CCDC6: variants seen among roughly 807,000 people sequenced by gnomAD.
CCDC6 encodes coiled-coil domain-containing protein 6.
Under a neutral mutation model 56.6 loss-of-function variants are expected in CCDC6, and 20 were observed. That is an observed-to-expected ratio of 0.35 (90% CI 0.25 to 0.51). The LOEUF (loss-of-function observed/expected upper bound fraction) is 0.51. Among genes scored for constraint, CCDC6 ranks in the 20% least tolerant of loss-of-function variants. The probability of loss-of-function intolerance (pLI) is 0.95; values close to 1 mark genes in which losing one functional copy is unlikely to be tolerated. For synonymous variants in CCDC6, 241 were observed against 234.4 expected, an observed-to-expected ratio of 1.03 and a Z score of -0.26; for missense variants, 367 against 601.1, an observed-to-expected ratio of 0.61 and a Z score of 4.07.
rs190250895 is a variant in CCDC6 at position 59,880,536 on chromosome 10, T to C, written c.303+25586A>G. On this transcript the variant is annotated intron_variant, in intron 1 of 8. Coordinates refer to ENST00000263102, the MANE Select transcript of CCDC6 (RefSeq NM_005436.5). ...ATGGCCGGAAGGGGGCACAGTGGAG[T>C]CCAGGTATTAGTAATATTCTGTTTC... Among the ~76,000 whole-genome samples the C allele has an allele frequency of 1.6e-3, 239 of 152,212 alleles. 2 individuals carry two copies. The highest frequency in any genetic ancestry group is 5.3e-3 in the African/African-American group (220 of 41,528).
At chr10:59,866,727 A>T (rs1474774396) in intron 1 of CCDC6, among the ~76,000 whole-genome samples, 2 of 152,208 alleles carry the variant, frequency 1.3e-5, no homozygotes, top group African/African-American at 2.4e-5. Flanking sequence ...GAATGGCTCC[A>T]AGGCTCCTAG....
intron 1 of CCDC6, among the ~76,000 whole-genome samples, chr10:59,889,005 G>A (rs187818238): frequency 3.3e-5 from 5 of 151,942 alleles, no homozygotes; most frequent in Admixed American, 1.3e-4. Context: ...TCCTCCCAGG[G>A]TATCAACATC....
chr10:59,802,702 C>T (rs1276608619), intron 7 of CCDC6, among the ~76,000 whole-genome samples: 1 of 152,174 alleles, frequency 6.6e-6, no homozygotes, highest in African/African-American at 2.4e-5. Context: ...ATGTAGGTCC[C>T]ACTATGGGAA....
chr10:59,852,989 T>C (rs891389613), intron 1 of CCDC6, among the ~76,000 whole-genome samples: 12 of 152,220 alleles, frequency 7.9e-5, no homozygotes, highest in African/African-American at 2.7e-4. Flanking sequence ...TTGCAGTTTT[T>C]ATGAAACTGT....
chr10:59,831,307 T>A (rs1214886586), intron 3 of CCDC6, among the ~76,000 whole-genome samples: 3 of 152,222 alleles, frequency 2.0e-5, no homozygotes, highest in African/African-American at 7.2e-5. Flanking sequence ...CATCATTCAG[T>A]GTTAGAAAAC....
At chr10:59,793,315 G>C (rs1345247142) in intron 8 of CCDC6, among the ~76,000 whole-genome samples, 1 of 152,168 alleles carries the variant, frequency 6.6e-6, no homozygotes, top group Admixed American at 6.5e-5. Context: ...CTATGAAAAA[G>C]CTACATAAAA....
At chr10:59,860,674 A>G (rs1486950272) in intron 1 of CCDC6, among the ~76,000 whole-genome samples, 1 of 152,162 alleles carries the variant, frequency 6.6e-6, no homozygotes, top group Non-Finnish European at 1.5e-5. Context: ...ACAAAGACCC[A>G]AACCCAACTC....
intron 2 of CCDC6, among the ~76,000 whole-genome samples, chr10:59,837,062 G>A (rs1241044995): frequency 6.6e-6 from 1 of 152,134 alleles, no homozygotes; most frequent in East Asian, 1.9e-4. Flanking sequence ...ATCTTAAGCA[G>A]GCTAGCCTTA....
At chr10:59,806,725 A>T in intron 6 of CCDC6, 197 bp downstream of exon 6, 5 of 457,542 alleles carry the variant, frequency 1.1e-5, no homozygotes, top group African/African-American at 3.9e-5. Context: ...GATTTTTTTC[A>T]TCTTTTTGTG....
intron 1 of CCDC6, among the ~76,000 whole-genome samples, chr10:59,888,262 G>A (rs2071397399): frequency 6.6e-6 from 1 of 152,256 alleles, no homozygotes; most frequent in African/African-American, 2.4e-5. Flanking sequence ...ACTCCCCACA[G>A]ATGCTCAGAC....
At position 59,789,474 on chromosome 10, in the gene CCDC6, A is replaced by G. The variant is rs1484483361; in HGVS notation, c.*3443T>C. 4.3e-6 allele frequency: 1 copy of G among 232,912 alleles called. No individual in the cohort carries two copies. Among genetic ancestry groups the G allele is most frequent in the African/African-American group, 2.2e-5 (1 of 45,318 alleles). 14.4% of individuals were successfully genotyped at this position (232,912 alleles called of 1,614,324 possible). On this transcript the variant is annotated 3_prime_UTR_variant, in exon 9 of 9. Transcript: ENST00000263102. ...AAAAAAAACCCTAAAAAACAAAGAA[A>G]AAAACAAACAAAAAATCACCAAAAA...
At chr10:59,793,765 CAG>C (rs759494998) in intron 8 of CCDC6, among the ~76,000 whole-genome samples, 1 of 107,412 alleles carries the variant, frequency 9.3e-6, no homozygotes, top group Non-Finnish European at 1.8e-5. Context: ...GCCTGGATGA[CAG>C]AGTGAGGAAA....
At chr10:59,859,191 T>C (rs1019147806) in intron 1 of CCDC6, among the ~76,000 whole-genome samples, 2 of 112,190 alleles carry the variant, frequency 1.8e-5, no homozygotes, top group Non-Finnish European at 3.8e-5. Context: ...AAAAAATACA[T>C]GTGTGTGCGT....
chr10:59,906,260 G>T lies in CCDC6; in HGVS notation c.165C>A (p.Arg55=), dbSNP rs1225447055. ...CCAGGCGGTTGGTGAGCTCCTCCAG[G>T]CGGAACGGCGAGATGACAATGCCCC... ...KSGGIVISPF[R]LEELTNRLAS... is the part of the protein sequence containing the mutation. Residue 55 remains arginine (R), a synonymous_variant, in exon 1 of 9, where the codon CGC becomes CGA. Transcript: ENST00000263102. 1 of 1,612,672 alleles carries T rather than the reference G, an allele frequency of 6.2e-7. No individual in the cohort carries two copies. Among genetic ancestry groups the T allele is most frequent in the Non-Finnish European group, 8.5e-7 (1 of 1,179,824 alleles).
chr10:59,871,780 G>A (rs745627000), intron 1 of CCDC6, among the ~76,000 whole-genome samples: 19 of 152,242 alleles, frequency 1.2e-4, no homozygotes, highest in Admixed American at 2.6e-4. Context: ...TGCCTTGTGA[G>A]GGGGCAGGGG....
intron 1 of CCDC6, among the ~76,000 whole-genome samples, chr10:59,896,291 G>T (rs1241507786): frequency 6.6e-6 from 1 of 152,002 alleles, no homozygotes; most frequent in Admixed American, 6.6e-5. Flanking sequence ...AGTGTTGGGG[G>T]TAAGATATGG....
At chr10:59,799,148 T>C (rs1244718454) in intron 7 of CCDC6, among the ~76,000 whole-genome samples, 2 of 150,602 alleles carry the variant, frequency 1.3e-5, no homozygotes, top group Non-Finnish European at 3.0e-5. Context: ...AAAAAAATCC[T>C]GGCCGGTCAT....
intron 1 of CCDC6, among the ~76,000 whole-genome samples, chr10:59,885,623 C>T (rs1266554403): frequency 6.6e-6 from 1 of 152,302 alleles, no homozygotes; most frequent in East Asian, 1.9e-4. Flanking sequence ...GACCACAACT[C>T]GTCTTTCAGT....
At chr10:59,838,205 G>A (rs1449263363) in intron 2 of CCDC6, among the ~76,000 whole-genome samples, 1 of 148,550 alleles carries the variant, frequency 6.7e-6, no homozygotes, top group African/African-American at 2.6e-5. Flanking sequence ...CAAGGCCCAT[G>A]AAGTCAGCCT....
Sources: allele counts gnomAD v4.1 joint callset (sites outside exome capture counted in the v4.1 genomes callset), GRCh38; gene constraint gnomAD v4.1.1; transcripts MANE v1.5; gene names NCBI Gene and HGNC (gene_info 2026-07-23, HGNC 2026-07-21).